NTNG1: variants seen among roughly 807,000 people sequenced by gnomAD.
NTNG1 encodes the protein netrin-G1.
NTNG1 carries 16 observed loss-of-function variants against 54.0 expected under a neutral mutation model. That is an observed-to-expected ratio of 0.30 (90% CI 0.20 to 0.45). The LOEUF (loss-of-function observed/expected upper bound fraction) is 0.45. Among genes scored for constraint, NTNG1 ranks in the 20% least tolerant of loss-of-function variants. The pLI is 1.00. For synonymous variants in NTNG1, 255 were observed against 263.1 expected (o/e 0.97, Z 0.30); for missense variants, 530 against 678.7 (o/e 0.78, Z 2.43).
chr1:107,425,559 T>C (rs2101280971), intron 5 of NTNG1, among the ~76,000 whole-genome samples: 1 of 152,252 alleles, frequency 6.6e-6, no homozygotes, highest in Admixed American at 6.5e-5. Context: ...TATATGCACA[T>C]TTTCTTTATT....
At chr1:107,467,115 G>C (rs1483156576) in intron 7 of NTNG1, among the ~76,000 whole-genome samples, 1 of 151,724 alleles carries the variant, frequency 6.6e-6, no homozygotes. Context: ...TAAAGTCACT[G>C]TCTTTACCTA....
intron 2 of NTNG1, among the ~76,000 whole-genome samples, chr1:107,246,415 A>ATT (rs896080339): frequency 7.1e-6 from 1 of 141,346 alleles, no homozygotes; most frequent in African/African-American, 3.2e-5. Context: ...AAGCAAAAAA[A>ATT]AAAAAAAAAT....
intron 1 of NTNG1, among the ~76,000 whole-genome samples, chr1:107,144,037 A>C (rs2100997362): frequency 6.6e-6 from 1 of 152,244 alleles, no homozygotes; most frequent in African/African-American, 2.4e-5. Context: ...AGTACATATT[A>C]AATTCCTTAT....
Position 107,481,127 on chromosome 1 carries a change from C to T in NTNG1, c.*287C>T, listed in dbSNP as rs1026063713. 8 of 434,274 alleles carry T rather than the reference C, an allele frequency of 1.8e-5. No homozygotes were observed. The highest frequency in any genetic ancestry group is 2.9e-5 in the Non-Finnish European group (7 of 243,388). The allele number at this position is 434,274 out of a possible 1,614,324, so 26.9% of individuals were successfully genotyped here. On this transcript the variant is annotated 3_prime_UTR_variant, in exon 8 of 8. Transcript: ENST00000370068. ...TTGTGGATTGGAAAGGCTGCGACAGCCCCCCAAACAGGAAAGACAAAAAAC... is the reference window on the plus strand; with the variant it reads ...TTGTGGATTGGAAAGGCTGCGACAGTCCCCCAAACAGGAAAGACAAAAAAC...
chr1:107,231,610 C>T (rs1414121845), intron 2 of NTNG1, among the ~76,000 whole-genome samples: 1 of 151,822 alleles, frequency 6.6e-6, no homozygotes, highest in Non-Finnish European at 1.5e-5. Flanking sequence ...GAGAACTTCA[C>T]CACTTGTTAA....
intron 3 of NTNG1, among the ~76,000 whole-genome samples, chr1:107,352,067 T>G (rs1669649896): frequency 6.6e-6 from 1 of 152,260 alleles, no homozygotes; most frequent in African/African-American, 2.4e-5. Context: ...GCTCCATCTT[T>G]GTGGCTTTGC....
At position 107,217,913 on chromosome 1, in the gene NTNG1, A is replaced by G. The variant is rs562649445; in HGVS notation, c.246+69074A>G. Among the ~76,000 whole-genome samples, 195 of 152,282 alleles carry G rather than the reference A, an allele frequency of 1.3e-3. 1 individual carries two copies. Among genetic ancestry groups the G allele is most frequent in the Admixed American group, 3.6e-3 (55 of 15,294 alleles). On this transcript the variant is annotated intron_variant, in intron 2 of 7. Coordinates refer to ENST00000370068, the MANE Select transcript of NTNG1 (RefSeq NM_001113226.3). ...GTTCCATGGCTGATAAATGGAATGT[A>G]TATTCTCCAGTTGTTGGGCAGAATG...
chr1:107,222,591 A>T (rs1299620046), intron 2 of NTNG1, among the ~76,000 whole-genome samples: 1 of 152,198 alleles, frequency 6.6e-6, no homozygotes, highest in African/African-American at 2.4e-5. Context: ...GCTCCACAGC[A>T]GCACACTACT....
chr1:107,406,473 T>C (rs1673426627), intron 4 of NTNG1, among the ~76,000 whole-genome samples: 1 of 152,138 alleles, frequency 6.6e-6, no homozygotes, highest in Non-Finnish European at 1.5e-5. Context: ...GCAGTAGATC[T>C]TATTAGCCCT....
At chr1:107,193,883 A>G (rs1658135498) in intron 2 of NTNG1, among the ~76,000 whole-genome samples, 1 of 151,624 alleles carries the variant, frequency 6.6e-6, no homozygotes, top group Admixed American at 6.6e-5. Flanking sequence ...AAAAGAAAAG[A>G]CCTATAGTGT....
intron 4 of NTNG1, among the ~76,000 whole-genome samples, chr1:107,400,650 AG>A (rs979228677): frequency 2.7e-5 from 4 of 148,666 alleles, no homozygotes; most frequent in Non-Finnish European, 5.9e-5. Context: ...TTGTGGAATA[AG>A]TTTTTTTTTT....
chr1:107,461,822 G>A (rs1021928038), intron 7 of NTNG1, among the ~76,000 whole-genome samples: 9 of 152,112 alleles, frequency 5.9e-5, no homozygotes, highest in Non-Finnish European at 1.0e-4. Context: ...GTGAGCCACC[G>A]CGCCTGGCCT....
Position 107,418,533 on chromosome 1 carries a change from C to T in NTNG1, c.1087+10825C>T, listed in dbSNP as rs757292146. ...ATAATTTTCTGTTTAGACCAAATGA[C>T]ATTATAGCTGAAAATAACATACCCT... is the stretch of plus-strand genomic sequence containing the variant. On this transcript the variant is annotated intron_variant, in intron 5 of 7. Transcript: ENST00000370068. 4 of 1,343,466 alleles carry T rather than the reference C, an allele frequency of 3.0e-6. No individual in the cohort carries two copies. The South Asian group carries it at 3.9e-5, about 13-fold the overall frequency. The allele number at this position is 1,343,466 out of a possible 1,614,324, so 83.2% of individuals were successfully genotyped here.
intron 7 of NTNG1, among the ~76,000 whole-genome samples, chr1:107,462,781 AT>A (rs1677356470): frequency 6.6e-6 from 1 of 152,196 alleles, no homozygotes; most frequent in Non-Finnish European, 1.5e-5. Context: ...CAGAGTTACC[AT>A]TTGTTGGTAA....
intron 2 of NTNG1, among the ~76,000 whole-genome samples, chr1:107,214,904 A>AT (rs1036104912): frequency 6.1e-5 from 9 of 148,354 alleles, no homozygotes; most frequent in Non-Finnish European, 1.0e-4. Context: ...ATTGTTTCAT[A>AT]TTTTTTTTGG....
At chr1:107,144,460 G>A (rs1557756453) in intron 1 of NTNG1, among the ~76,000 whole-genome samples, 1 of 152,074 alleles carries the variant, frequency 6.6e-6, no homozygotes, top group African/African-American at 2.4e-5. Context: ...CTGAAAACCA[G>A]CTAGATTAGG....
intron 2 of NTNG1, among the ~76,000 whole-genome samples, chr1:107,238,980 T>C (rs1403307823): frequency 6.6e-6 from 1 of 152,144 alleles, no homozygotes. Context: ...CAAACTGTTA[T>C]CACCCAGTTC....
chr1:107,444,958 G>A (rs1268877516), intron 7 of NTNG1, among the ~76,000 whole-genome samples: 5 of 152,034 alleles, frequency 3.3e-5, no homozygotes, highest in Non-Finnish European at 7.4e-5. Flanking sequence ...GTGTATGTAA[G>A]AAAAAATTTC....
intron 2 of NTNG1, among the ~76,000 whole-genome samples, chr1:107,226,228 CGGTGTACTCT>C (rs1660669955): frequency 6.6e-6 from 1 of 152,066 alleles, no homozygotes; most frequent in African/African-American, 2.4e-5. Flanking sequence ...CATGATGTCC[CGGTGTACTCT>C]TGTGAGTCTT....
Sources: gnomAD v4.1 joint callset for allele counts (sites outside exome capture counted in the v4.1 genomes callset) on GRCh38, gnomAD v4.1.1 for gene constraint, MANE v1.5 for transcripts, NCBI Gene and HGNC (gene_info 2026-07-23, HGNC 2026-07-21) for gene names.